CYP26C1: variants seen among roughly 807,000 people sequenced by gnomAD.
CYP26C1 encodes the protein cytochrome P450 family 26 subfamily C member 1, also known as cytochrome P450 26C1.
In CYP26C1, 41 loss-of-function variants were observed where a neutral mutation model predicts 39.1. The observed-to-expected ratio is 1.05, with a 90% CI of 0.82 to 1.36. The LOEUF is 1.36. CYP26C1 is among the 40% of genes most tolerant of loss of function. CYP26C1 has a pLI of 0.00. For missense variants in CYP26C1, 833 were observed against 752.0 expected, an observed-to-expected ratio of 1.11 and a Z score of -1.26; for synonymous variants, 362 against 350.8, an observed-to-expected ratio of 1.03 and a Z score of -0.36.
In CYP26C1 at chr10:93,062,227, G is replaced by C; in HGVS notation, c.422G>C (p.Arg141Pro). 2 of 1,523,402 alleles carry C rather than the reference G, an allele frequency of 1.3e-6. No homozygotes were observed. The highest frequency in any genetic ancestry group is 1.8e-6 in the Non-Finnish European group (2 of 1,139,818). 94.4% of individuals were successfully genotyped at this position (1,523,402 alleles called of 1,614,324 possible). A position where few individuals can be genotyped will look rare whatever the true frequency, so the allele number is the denominator to read the frequency against. ...LGAVGEPHRRRRKVLARVFSR... is the reference protein window; with the variant it reads ...LGAVGEPHRRPRKVLARVFSR... ...GCGGTCGGCGAGCCGCACCGGCGGCGGCGCAAGGTGAGTGGAAACGGGAAT... is the reference window on the plus strand; with the variant it reads ...GCGGTCGGCGAGCCGCACCGGCGGCCGCGCAAGGTGAGTGGAAACGGGAAT... Residue 141 changes from arginine (R) to proline (P), a missense_variant, in exon 2 of 6, where the codon CGG (arginine) becomes CCG (proline). By Grantham distance (103) the Arg-to-Pro change is moderately radical. Coordinates refer to ENST00000651965, the MANE Select transcript of CYP26C1 (RefSeq NM_183374.3).
In CYP26C1 at chr10:93,068,887, G is replaced by A; in HGVS notation, c.*190G>A. 9.8e-7 allele frequency: 1 copy of A among 1,016,746 alleles called. No individual in the cohort carries two copies. The highest frequency in any genetic ancestry group is 2.1e-5 in the South Asian group (1 of 48,330). The allele number at this position is 1,016,746 out of a possible 1,614,324, so 63.0% of individuals were successfully genotyped here. On this transcript the variant is annotated 3_prime_UTR_variant, in exon 6 of 6. Coordinates refer to ENST00000651965, the MANE Select transcript of CYP26C1 (RefSeq NM_183374.3). ...GAGGAGGGCGAGCCACCGCTGCCGC[G>A]CCAGAGAAGCATCTAAGCCCATGGG...
At chr10:93,063,159 T>C in intron 3 of CYP26C1, 164 bp downstream of exon 3, 2 of 1,394,714 alleles carry the variant, frequency 1.4e-6, no homozygotes, top group Non-Finnish European at 1.8e-6. Flanking sequence ...GGCGTGGCGG[T>C]GGGCTCTGGG....
chr10:93,066,771 G>T (rs912257985), intron 5 of CYP26C1, among the ~76,000 whole-genome samples: 1 of 152,134 alleles, frequency 6.6e-6, no homozygotes, highest in Non-Finnish European at 1.5e-5. Flanking sequence ...GGGGAGGGGG[G>T]GATTAAAATA....
intron 4 of CYP26C1, 200 bp downstream of exon 4, chr10:93,064,736 C>A: frequency 7.7e-7 from 1 of 1,295,630 alleles, no homozygotes; most frequent in Non-Finnish European, 9.8e-7. Flanking sequence ...CAGCCTCCAG[C>A]CAGCCTTGTC....
chr10:93,067,872 G>A (rs1846846453), intron 5 of CYP26C1, among the ~76,000 whole-genome samples: 2 of 152,280 alleles, frequency 1.3e-5, no homozygotes, highest in South Asian at 4.1e-4. Flanking sequence ...GCTCTACCAT[G>A]GAACTGACCT....
At chr10:93,064,596 C>A in intron 4 of CYP26C1, 60 bp downstream of exon 4, 2 of 1,558,044 alleles carry the variant, frequency 1.3e-6, no homozygotes, top group Non-Finnish European at 1.7e-6. Flanking sequence ...GTCCCTACAC[C>A]AATGCTGCAT....
chr10:93,062,943 T>C lies in CYP26C1; in HGVS notation c.653T>C (p.Val218Ala), dbSNP rs780373913. 4.4e-6 allele frequency: 7 copies of C among 1,602,864 alleles called. No individual in the cohort carries two copies. In the Admixed American group the frequency reaches 1.2e-4, roughly 27 times the overall value. Residue 218 changes from valine (V) to alanine (A), a missense_variant, in exon 3 of 6, where the codon GTG (valine) becomes GCG (alanine). Val to Ala is a moderately conservative substitution (Grantham distance 64, BLOSUM62 0). Transcript: ENST00000651965. The part of the protein sequence containing the change: ...ATLARTFEQL[V>A]ENLFSLPLDV... ...CTGGCCCGGACCTTCGAGCAGCTCG[T>C]GGAGAACCTCTTCTCACTGCCTCTG...
chr10:93,063,237 G>A, intron 3 of CYP26C1: 3 of 1,243,226 alleles, frequency 2.4e-6, no homozygotes, highest in Non-Finnish European at 3.0e-6. Context: ...GGACGCGCCT[G>A]CCGCGACGCG....
chr10:93,061,255 G>C lies in CYP26C1; in HGVS notation c.-9G>C. ...GCGCTCTGAGCGGCCTGGCCCCCGC[G>C]GGCTCATCATGTTCCCTTGGGGGCT... On this transcript the variant is annotated 5_prime_UTR_variant, in exon 1 of 6. Transcript: ENST00000651965. The C allele has an allele frequency of 6.4e-7, 1 of 1,562,346 alleles. No homozygotes were observed. The highest frequency in any genetic ancestry group is 1.2e-5 in the South Asian group (1 of 85,232).
chr10:93,064,593 C>T (rs1300439531), intron 4 of CYP26C1, 57 bp downstream of exon 4: 8 of 1,564,386 alleles, frequency 5.1e-6, no homozygotes, highest in Non-Finnish European at 6.1e-6. Context: ...CAGGTCCCTA[C>T]ACCAATGCTG....
intron 3 of CYP26C1, chr10:93,063,819 G>C: frequency 1.0e-6 from 1 of 985,638 alleles, no homozygotes; most frequent in South Asian, 4.7e-5. Context: ...CATCTCCTCC[G>C]ACTATGGAAC....
Position 93,068,575 on chromosome 10 carries a change from G to A in CYP26C1, c.1447G>A (p.Glu483Lys). 3 of 1,594,790 alleles carry A rather than the reference G, an allele frequency of 1.9e-6. No homozygotes were observed. Among genetic ancestry groups the A allele is most frequent in the Non-Finnish European group, 2.6e-6 (3 of 1,171,290 alleles). ...GGAGCTAGTGCGCACCGCGCGCTGGGAACTGGCCACACCCGCCTTCCCCGC... is the reference window on the plus strand; with the variant it reads ...GGAGCTAGTGCGCACCGCGCGCTGGAAACTGGCCACACCCGCCTTCCCCGC... Reference protein sequence around the residue: ...AVELVRTARWELATPAFPAMQ... With the variant: ...AVELVRTARWKLATPAFPAMQ... Residue 483 changes from glutamate (E) to lysine (K), a missense_variant, in exon 6 of 6, where the codon GAA (glutamate) becomes AAA (lysine). Glu to Lys is a moderately conservative substitution (Grantham distance 56, BLOSUM62 1). Transcript: ENST00000651965.
rs370154916 is a variant in CYP26C1, at chr10:93,065,809, A to G, written c.862-147A>G. 2.5e-5 allele frequency: 17 copies of G among 679,122 alleles called. No homozygotes were observed. The East Asian group carries it at 4.8e-4, about 19-fold the overall frequency. The allele number at this position is 679,122 out of a possible 1,614,324, so 42.1% of individuals were successfully genotyped here. On this transcript the variant is annotated intron_variant, in intron 4 of 5. Transcript: ENST00000651965. ...TTTAATCGACTTCAAAACCGTACAC[A>G]CAGTCGCGGCGGTAATAGCACTTCC...
In CYP26C1 at chr10:93,064,362, T is replaced by C; in HGVS notation, c.706-19T>C. ...CCTTAGCCTTCCTGCCCCATCTTTC[T>C]TCTCTCCCTGAACATCAGGGCATCC... On this transcript the variant is annotated intron_variant, in intron 3 of 5. Coordinates refer to ENST00000651965, the MANE Select transcript of CYP26C1 (RefSeq NM_183374.3). 6.2e-7 allele frequency: 1 copy of C among 1,607,628 alleles called. No homozygotes were observed. Among genetic ancestry groups the C allele is most frequent in the Non-Finnish European group, 8.5e-7 (1 of 1,176,198 alleles).
Position 93,062,063 on chromosome 10 carries a change from G to T in CYP26C1, c.258G>T (p.Thr86=), listed in dbSNP as rs1399023167. Reference sequence around the variant, plus strand: ...AGCGCTATGGGACAGTGTTCAAGACGCACCTGCTGGGCAGGCCAGTGATCC... The same window carrying T: ...AGCGCTATGGGACAGTGTTCAAGACTCACCTGCTGGGCAGGCCAGTGATCC... The part of the protein sequence containing the change: ...RRERYGTVFK[T]HLLGRPVIRV... Residue 86 remains threonine (T), a synonymous_variant, in exon 2 of 6, where the codon ACG becomes ACT. Coordinates refer to ENST00000651965, the MANE Select transcript of CYP26C1 (RefSeq NM_183374.3). 1 of 1,580,918 alleles carries T rather than the reference G, an allele frequency of 6.3e-7. No individual in the cohort carries two copies.
At position 93,061,930 on chromosome 10, in the gene CYP26C1, A is replaced by C. The variant is rs565196466; in HGVS notation, c.205-80A>C. On this transcript the variant is annotated intron_variant, in intron 1 of 5. Transcript: ENST00000651965. ...CAGCCAGGGACAGGAAGTTGTGATC[A>C]AAAGGCAGCTGGAAGGTCTGGGTCA... is the stretch of plus-strand genomic sequence containing the variant. 4 of 1,418,404 alleles carry C rather than the reference A, an allele frequency of 2.8e-6. No homozygotes were observed. The African/African-American group carries it at 4.3e-5, about 15-fold the overall frequency. The allele number at this position is 1,418,404 out of a possible 1,614,324, so 87.9% of individuals were successfully genotyped here.
chr10:93,061,200 G>C lies in CYP26C1; in HGVS notation c.-64G>C, dbSNP rs924092272. On this transcript the variant is annotated 5_prime_UTR_variant, in exon 1 of 6. Coordinates refer to ENST00000651965, the MANE Select transcript of CYP26C1 (RefSeq NM_183374.3). ...CAGGTGAGCACTGCGCACTGCTCGC[G>C]CCCCGGTTCTTGCGTCCCCTGCTCT... The C allele has an allele frequency of 6.6e-7, 1 of 1,518,950 alleles. No individual in the cohort carries two copies. Among genetic ancestry groups the C allele is most frequent in the East Asian group, 2.4e-5 (1 of 40,822 alleles). 94.1% of individuals were successfully genotyped at this position (1,518,950 alleles called of 1,614,324 possible).
At chr10:93,066,771 G>A (rs912257985) in intron 5 of CYP26C1, among the ~76,000 whole-genome samples, 1 of 152,134 alleles carries the variant, frequency 6.6e-6, no homozygotes, top group Non-Finnish European at 1.5e-5. Flanking sequence ...GGGGAGGGGG[G>A]GATTAAAATA....
chr10:93,063,190 G>T, intron 3 of CYP26C1, 195 bp downstream of exon 3: 2 of 1,343,608 alleles, frequency 1.5e-6, no homozygotes. Flanking sequence ...GTGCTGGTTC[G>T]CTGGTGTGAC....
Sources: allele counts gnomAD v4.1 joint callset (sites outside exome capture counted in the v4.1 genomes callset), GRCh38; gene constraint gnomAD v4.1.1; transcripts MANE v1.5; gene names NCBI Gene and HGNC (gene_info 2026-07-23, HGNC 2026-07-21).